Variants in DMD observed in about 807,000 individuals in gnomAD.
DMD encodes the protein dystrophin.
In DMD, 63 loss-of-function variants were observed where a neutral mutation model predicts 330.1. The observed-to-expected ratio is 0.19, with a 90% CI of 0.16 to 0.24. DMD has a LOEUF of 0.24. Among genes scored for constraint, DMD ranks in the 10% least tolerant of loss-of-function variants. The probability of loss-of-function intolerance (pLI) is 1.00; values close to 1 mark genes in which losing one functional copy is unlikely to be tolerated. For synonymous variants in DMD, 1,223 were observed against 959.8 expected (o/e 1.27, Z -5.07); for missense variants, 3,344 against 2,684.1 (o/e 1.25, Z -5.43).
At chrX:32,526,127 C>T (rs955558766) in intron 17 of DMD, among the ~76,000 whole-genome samples, 5 of 111,630 alleles carry the variant, frequency 4.5e-5, no homozygotes, top group Non-Finnish European at 9.4e-5. Context: ...ACTTAACGTA[C>T]TTCCGAATGT....
chrX:33,008,884 A>ATATG (rs1569548723), intron 2 of DMD, among the ~76,000 whole-genome samples: 6 of 47,380 alleles, frequency 1.3e-4, no homozygotes, highest in Non-Finnish European at 2.5e-4. Flanking sequence ...ATATATGTAT[A>ATATG]TATACGTGTA....
intron 43 of DMD, among the ~76,000 whole-genome samples, chrX:32,230,308 G>A (rs1484379749): frequency 8.9e-6 from 1 of 112,120 alleles, no homozygotes; most frequent in African/African-American, 3.2e-5. Context: ...GCAGCGGCGC[G>A]ATCTCGGCTC....
chrX:32,076,960 A>G (rs1291259816), intron 44 of DMD, among the ~76,000 whole-genome samples: 8 of 112,029 alleles, frequency 7.1e-5, no homozygotes, highest in African/African-American at 1.9e-4. Flanking sequence ...GATGATAATA[A>G]AATGAGAAAG....
At chrX:31,207,277 AT>A (rs1457099611) in intron 65 of DMD, among the ~76,000 whole-genome samples, 4 of 112,166 alleles carry the variant, frequency 3.6e-5, no homozygotes, top group Non-Finnish European at 7.5e-5. Flanking sequence ...TAAAAAATAA[AT>A]TTATAAATAA....
chrX:32,393,382 G>T (rs1207079631), intron 30 of DMD, among the ~76,000 whole-genome samples: 1 of 111,223 alleles, frequency 9.0e-6, no homozygotes, highest in African/African-American at 3.3e-5. Flanking sequence ...TAGAAATCAG[G>T]TATTAAATAA....
At chrX:32,296,264 G>A (rs1444451081) in intron 42 of DMD, among the ~76,000 whole-genome samples, 3 of 110,662 alleles carry the variant, frequency 2.7e-5, no homozygotes, top group African/African-American at 6.6e-5. Flanking sequence ...GGCGGTGGGC[G>A]CCTGTAATCC....
intron 2 of DMD, among the ~76,000 whole-genome samples, chrX:33,016,431 G>T (rs1209831954): frequency 9.0e-6 from 1 of 111,083 alleles, no homozygotes; most frequent in Non-Finnish European, 1.9e-5. Flanking sequence ...ATAATTTCCA[G>T]GTCTTCTCCC....
chrX:32,731,062 C>T (rs778157588), intron 7 of DMD, among the ~76,000 whole-genome samples: 10 of 111,375 alleles, frequency 9.0e-5, no homozygotes, highest in South Asian at 3.8e-4. Context: ...GTGCACCGTG[C>T]GCGACCCGAA....
chrX:32,996,820 A>T (rs1362530415), intron 2 of DMD, among the ~76,000 whole-genome samples: 2 of 111,510 alleles, frequency 1.8e-5, no homozygotes, highest in Non-Finnish European at 3.8e-5. Context: ...GTTTCAAAAA[A>T]AAAAAAAAAC....
At chrX:32,759,942 AATT>A (rs1356329205) in intron 7 of DMD, among the ~76,000 whole-genome samples, 10 of 111,141 alleles carry the variant, frequency 9.0e-5, no homozygotes. Context: ...TCCCTCAGGA[AATT>A]ATTAACTGTA....
rs1418724889 is a variant in DMD, at chrX:31,665,639, G to C, written c.7873-7495C>G. On this transcript the variant is annotated intron_variant, in intron 53 of 78. Coordinates refer to ENST00000357033, the MANE Select transcript of DMD (RefSeq NM_004006.3). ...CCTCATTTTCCGGCTTACTGAAAATGATTAATCTTTACAATAGCTTTGAAG... is the reference window on the plus strand; with the variant it reads ...CCTCATTTTCCGGCTTACTGAAAATCATTAATCTTTACAATAGCTTTGAAG... Among the ~76,000 whole-genome samples, 6 of 111,563 alleles carry C rather than the reference G, an allele frequency of 5.4e-5. No homozygotes were observed. In the Admixed American group the frequency reaches 5.7e-4, roughly 11 times the overall value.
At chrX:32,335,638 TACATA>T (rs1405472629) in intron 41 of DMD, among the ~76,000 whole-genome samples, 3 of 14,447 alleles carry the variant, frequency 2.1e-4, no homozygotes, top group African/African-American at 4.4e-4. Context: ...ACATAACATA[TACATA>T]ACATGTTATA....
At chrX:32,157,279 T>C (rs1844971844) in intron 44 of DMD, among the ~76,000 whole-genome samples, 2 of 111,921 alleles carry the variant, frequency 1.8e-5, no homozygotes, top group Admixed American at 9.5e-5. Flanking sequence ...ACTTCATGCA[T>C]ATCCTCAGAA....
intron 42 of DMD, among the ~76,000 whole-genome samples, chrX:32,304,293 G>C (rs980425221): frequency 9.0e-6 from 1 of 111,167 alleles, no homozygotes; most frequent in Non-Finnish European, 1.9e-5. Context: ...CACTTTACAC[G>C]ATGGGGATTA....
chrX:32,634,161 G>A (rs986102899), intron 11 of DMD, among the ~76,000 whole-genome samples: 1 of 111,866 alleles, frequency 8.9e-6, no homozygotes, highest in Non-Finnish European at 1.9e-5. Context: ...ACCAAAGAGA[G>A]TACTGTCTGA....
chrX:32,592,035 G>C (rs1338091100), intron 13 of DMD, among the ~76,000 whole-genome samples: 5 of 112,260 alleles, frequency 4.5e-5, no homozygotes, highest in African/African-American at 1.6e-4. Flanking sequence ...GCATGGGAGA[G>C]AGGCTGAGTG....
intron 44 of DMD, among the ~76,000 whole-genome samples, chrX:32,115,883 C>T (rs1388306003): frequency 8.9e-6 from 1 of 111,742 alleles, no homozygotes; most frequent in Non-Finnish European, 1.9e-5. Flanking sequence ...AGTAACGTGG[C>T]TTCCTGTGCT....
intron 9 of DMD, among the ~76,000 whole-genome samples, chrX:32,656,824 C>T (rs2060608000): frequency 9.0e-6 from 1 of 111,687 alleles, no homozygotes; most frequent in Admixed American, 9.6e-5. Flanking sequence ...TATTTAAGGT[C>T]ATTTGTGCTT....
chrX:32,698,464 T>C (rs778408898), intron 8 of DMD, among the ~76,000 whole-genome samples: 1 of 111,734 alleles, frequency 8.9e-6, no homozygotes, highest in Non-Finnish European at 1.9e-5. Flanking sequence ...TCAGCAGAAA[T>C]GTTGCTAAAG....
Sources: gnomAD v4.1 joint callset for allele counts (sites outside exome capture counted in the v4.1 genomes callset) on GRCh38, gnomAD v4.1.1 for gene constraint, MANE v1.5 for transcripts, NCBI Gene and HGNC (gene_info 2026-07-23, HGNC 2026-07-21) for gene names.